Variants in REDIC1 observed in about 807,000 individuals in gnomAD.
REDIC1 encodes the protein HEI10 Interacting Protein 1.
At chr12:39,669,665 G>A in the REDIC1 span, among the ~76,000 whole-genome samples, 1 of 152,358 alleles carries the variant, frequency 6.6e-6, no homozygotes, top group Admixed American at 6.5e-5. Context: ...AGTCTACAGA[G>A]GCAGGCAGGC....
chr12:39,822,286 T>G, the REDIC1 span, among the ~76,000 whole-genome samples: 1 of 152,058 alleles, frequency 6.6e-6, no homozygotes, highest in South Asian at 2.1e-4. Flanking sequence ...AGATTGAAAA[T>G]ATTTAACTCA....
At chr12:39,896,412 G>GTATGTATATGTGTATATATGTATACATA in the REDIC1 span, among the ~76,000 whole-genome samples, 207 of 132,360 alleles carry the variant, frequency 1.6e-3, no homozygotes, top group Non-Finnish European at 2.2e-3. Context: ...ATACATATAT[G>GTATGTATATGTGTATATATGTATACATA]TATGTATATG....
chr12:39,762,352 C>A, the REDIC1 span, among the ~76,000 whole-genome samples: 1 of 144,658 alleles, frequency 6.9e-6, no homozygotes, highest in Non-Finnish European at 1.5e-5. Context: ...GGATTTAAAT[C>A]TTATTAGAGC....
the REDIC1 span, among the ~76,000 whole-genome samples, chr12:39,841,520 T>C: frequency 3.9e-5 from 6 of 152,190 alleles, no homozygotes; most frequent in South Asian, 8.3e-4. Flanking sequence ...AATTGTAATT[T>C]TGCATGTGTA....
At chr12:39,785,121 CA>C in the REDIC1 span, among the ~76,000 whole-genome samples, 1 of 152,174 alleles carries the variant, frequency 6.6e-6, no homozygotes, top group Non-Finnish European at 1.5e-5. Flanking sequence ...TGTGAATCCC[CA>C]AGACCATGGG....
the REDIC1 span, among the ~76,000 whole-genome samples, chr12:39,752,204 A>G: frequency 0.84 from 127,601 of 152,190 alleles, 53,743 homozygotes; most frequent in African/African-American, 0.89. Flanking sequence ...TTTGTGGCCT[A>G]TTAGGAACCA....
the REDIC1 span, among the ~76,000 whole-genome samples, chr12:39,831,754 C>G: frequency 6.6e-6 from 1 of 152,002 alleles, no homozygotes; most frequent in African/African-American, 2.4e-5. Context: ...TAAAAAGAGC[C>G]TGGAACCTCC....
At chr12:39,833,811 C>G in the REDIC1 span, among the ~76,000 whole-genome samples, 3 of 150,974 alleles carry the variant, frequency 2.0e-5, no homozygotes, top group Non-Finnish European at 4.4e-5. Flanking sequence ...TGTTGGGGCT[C>G]AGAACATGCT....
chr12:39,748,516 C>T, the REDIC1 span, among the ~76,000 whole-genome samples: 17 of 152,270 alleles, frequency 1.1e-4, no homozygotes, highest in African/African-American at 4.1e-4. Context: ...ATCAATGAGA[C>T]AGAAAGTTAA....
the REDIC1 span, among the ~76,000 whole-genome samples, chr12:39,896,428 A>G: frequency 6.9e-6 from 1 of 144,144 alleles, no homozygotes; most frequent in East Asian, 2.1e-4. Flanking sequence ...ATATGTGTAT[A>G]TATGTATACA....
chr12:39,790,406 T>A, the REDIC1 span, among the ~76,000 whole-genome samples: 3 of 132,076 alleles, frequency 2.3e-5, no homozygotes, highest in Non-Finnish European at 4.6e-5. Context: ...GAGTGTGATA[T>A]TCCCTTCCTG....
At chr12:39,737,754 A>G in the REDIC1 span, among the ~76,000 whole-genome samples, 1 of 152,226 alleles carries the variant, frequency 6.6e-6, no homozygotes, top group Non-Finnish European at 1.5e-5. Context: ...TTTTGCTGTT[A>G]ACCATAAATT....
chr12:39,668,473 A>G, the REDIC1 span, among the ~76,000 whole-genome samples: 5 of 152,142 alleles, frequency 3.3e-5, no homozygotes, highest in Non-Finnish European at 5.9e-5. Flanking sequence ...TGGGTAACCC[A>G]ACCTTTCTCT....
At chr12:39,714,169 A>ATGTG in the REDIC1 span, among the ~76,000 whole-genome samples, 2 of 146,830 alleles carry the variant, frequency 1.4e-5, no homozygotes, top group African/African-American at 4.9e-5. Flanking sequence ...ATATATGCGT[A>ATGTG]TATGTATATA....
At chr12:39,756,056 C>A in the REDIC1 span, 1 of 151,852 alleles carries the variant, frequency 6.6e-6, no homozygotes, top group African/African-American at 2.4e-5. Flanking sequence ...GCTGAATGTA[C>A]CGACAATTTA....
the REDIC1 span, among the ~76,000 whole-genome samples, chr12:39,669,517 C>T: frequency 5.9e-5 from 9 of 152,300 alleles, no homozygotes; most frequent in South Asian, 2.1e-4. Context: ...CACTTGAGGG[C>T]GCAGTCTGTC....
At chr12:39,832,534 C>A in the REDIC1 span, among the ~76,000 whole-genome samples, 1 of 152,076 alleles carries the variant, frequency 6.6e-6, no homozygotes, top group African/African-American at 2.4e-5. Flanking sequence ...CTCATCCAAG[C>A]GTGACCCCAA....
chr12:39,675,143 A>T, the REDIC1 span, among the ~76,000 whole-genome samples: 1 of 152,122 alleles, frequency 6.6e-6, no homozygotes, highest in Admixed American at 6.5e-5. Context: ...AGAGAAGCCT[A>T]TCACCGGAGG....
At chr12:39,766,305 G>T in the REDIC1 span, among the ~76,000 whole-genome samples, 959 of 152,176 alleles carry the variant, frequency 6.3e-3, 6 homozygotes, top group African/African-American at 0.022. Flanking sequence ...GGATTTTTTG[G>T]TTTCCCACTA....
Sources: gnomAD v4.1 joint callset for allele counts (sites outside exome capture counted in the v4.1 genomes callset) on GRCh38, gnomAD v4.1.1 for gene constraint, MANE v1.5 for transcripts, NCBI Gene and HGNC (gene_info 2026-07-23, HGNC 2026-07-21) for gene names.